The following RAD50 variants were observed in gnomAD, a reference collection of about 807,000 sequenced individuals.
RAD50 encodes the protein RAD50 double strand break repair protein, also known as DNA repair protein RAD50.
Under a neutral mutation model 168.8 loss-of-function variants are expected in RAD50, and 132 were observed. The ratio of observed to expected loss-of-function variants is 0.78; its 90% CI spans 0.68 to 0.90. The LOEUF is 0.90. Ranked by LOEUF, RAD50 falls within the 40% of genes least tolerant of loss-of-function variation. RAD50 has a pLI of 0.00. For missense variants in RAD50, 1,347 were observed against 1,534.4 expected (o/e 0.88, Z 2.04); for synonymous variants, 525 against 497.4 (o/e 1.06, Z -0.74).
At chr5:132,588,652 T>C (rs369060820) in intron 7 of RAD50, 35 bp from the exon 8 acceptor site, 1 of 1,591,234 alleles carries the variant, frequency 6.3e-7, no homozygotes, top group Non-Finnish European at 8.6e-7. Flanking sequence ...TAAGCACCAG[T>C]TGAAAAAAAA....
chr5:132,616,385 A>G (rs1417016185), intron 20 of RAD50, among the ~76,000 whole-genome samples: 1 of 152,218 alleles, frequency 6.6e-6, no homozygotes, highest in Non-Finnish European at 1.5e-5. Flanking sequence ...CTTAGTCCCC[A>G]TACATCTGCT....
chr5:132,606,622 G>A (rs1386326413), intron 16 of RAD50, among the ~76,000 whole-genome samples: 1 of 152,128 alleles, frequency 6.6e-6, no homozygotes, highest in African/African-American at 2.4e-5. Context: ...CATTTTATAA[G>A]GCCAGCATCA....
chr5:132,587,965 C>T lies in RAD50; in HGVS notation c.927C>T (p.His309=), dbSNP rs758239327. 8 of 1,612,824 alleles carry T rather than the reference C, an allele frequency of 5.0e-6. No individual in the cohort carries two copies. Among genetic ancestry groups the T allele is most frequent in the Non-Finnish European group, 6.8e-6 (8 of 1,179,204 alleles). Residue 309 remains histidine (H), a synonymous_variant, in exon 7 of 25, where the codon CAC becomes CAT. Transcript: ENST00000378823. ...GTDEQLNDLY[H]NHQRTVREKE... ...ATGAGCAACTAAATGACTTATATCACAATCACCAGAGAACAGTAAGGGAGA... is the reference window on the plus strand; with the variant it reads ...ATGAGCAACTAAATGACTTATATCATAATCACCAGAGAACAGTAAGGGAGA...
chr5:132,566,724 A>C (rs1293082513), intron 2 of RAD50, among the ~76,000 whole-genome samples: 1 of 152,246 alleles, frequency 6.6e-6, no homozygotes, highest in Non-Finnish European at 1.5e-5. Flanking sequence ...CCTTAAATCC[A>C]AAAGCCTTAC....
Position 132,618,214 on chromosome 5 carries a change from G to A in RAD50, c.3309G>A (p.Lys1103=), listed in dbSNP as rs1340193016. The change falls in exon 21 of 25, where the codon AAG becomes AAA. Residue 1103 remains lysine, a synonymous_variant. Transcript: ENST00000378823. ...CACAATTTCGGGATGCTGAGGAAAA[G>A]TATAGAGAAATGATGATTGTTATGA... is the stretch of plus-strand genomic sequence containing the variant. ...REPQFRDAEE[K]YREMMIVMRT... 1.9e-6 allele frequency: 3 copies of A among 1,613,900 alleles called. No homozygotes were observed. In the Admixed American group the frequency reaches 5.0e-5, roughly 27 times the overall value.
At chr5:132,604,425 C>A (rs1230434503) in intron 15 of RAD50, among the ~76,000 whole-genome samples, 1 of 152,040 alleles carries the variant, frequency 6.6e-6, no homozygotes, top group Non-Finnish European at 1.5e-5. Context: ...ATCACTATGC[C>A]CAGCTAATTT....
rs1474198443 is a variant in RAD50 at position 132,604,793 on chromosome 5, T to A, written c.2525-13T>A. On this transcript the variant is annotated splice_polypyrimidine_tract_variant and intron_variant, in intron 15 of 24. Transcript: ENST00000378823. Reference sequence around the variant, plus strand: ...CCTTACATTAATTACTGTGATAATATGTTTTTGTGTAGTTTCTAGTAAGAT... The same window carrying A: ...CCTTACATTAATTACTGTGATAATAAGTTTTTGTGTAGTTTCTAGTAAGAT... 28 of 1,584,284 alleles carry A rather than the reference T, an allele frequency of 1.8e-5. No homozygotes were observed. Among genetic ancestry groups the A allele is most frequent in the Non-Finnish European group, 2.4e-5 (28 of 1,154,606 alleles).
chr5:132,636,339 C>G (rs1053123027), intron 21 of RAD50, among the ~76,000 whole-genome samples: 2 of 152,156 alleles, frequency 1.3e-5, no homozygotes, highest in Non-Finnish European at 2.9e-5. Context: ...AAACTACTAC[C>G]TTAAAAGAGA....
chr5:132,572,688 C>T (rs1307876865), intron 2 of RAD50, among the ~76,000 whole-genome samples: 1 of 152,058 alleles, frequency 6.6e-6, no homozygotes, highest in African/African-American at 2.4e-5. Context: ...TTTTTTTCAA[C>T]AGACTTTAAA....
At chr5:132,607,977 C>A (rs1466157605) in intron 16 of RAD50, among the ~76,000 whole-genome samples, 4 of 152,166 alleles carry the variant, frequency 2.6e-5, no homozygotes, top group Non-Finnish European at 4.4e-5. Flanking sequence ...TGTTACAAGG[C>A]TAAATAATGG....
chr5:132,597,629 A>AAGCCTTAAGATGACTGCAGTCC (rs1750813927), intron 13 of RAD50, among the ~76,000 whole-genome samples: 1 of 152,218 alleles, frequency 6.6e-6, no homozygotes, highest in Non-Finnish European at 1.5e-5. Context: ...TGTAGCAGTC[A>AAGCCTTAAGATGACTGCAGTCC]AGCCTTAAGA....
intron 5 of RAD50, among the ~76,000 whole-genome samples, chr5:132,586,179 G>A (rs953849843): frequency 5.9e-5 from 9 of 152,122 alleles, no homozygotes; most frequent in African/African-American, 1.9e-4. Flanking sequence ...GGTAAAAGTT[G>A]AGGTTTACTT....
rs1386646459 is a variant in RAD50 at position 132,646,258 on chromosome 5, G to A, written c.*3894G>A. The A allele has an allele frequency of 6.6e-6, 1 of 152,132 alleles. No individual in the cohort carries two copies. The highest frequency in any genetic ancestry group is 1.5e-5 in the Non-Finnish European group (1 of 68,038). The allele number at this position is 152,132 out of a possible 1,614,324, so 9.4% of individuals were successfully genotyped here. ...TGTCCAATCCAGATCTCTCCTAAAT[G>A]CTTGACTGATATATTCAGCTGCCTG... is the stretch of plus-strand genomic sequence containing the variant. On this transcript the variant is annotated 3_prime_UTR_variant, in exon 25 of 25. Coordinates refer to ENST00000378823, the MANE Select transcript of RAD50 (RefSeq NM_005732.4).
chr5:132,619,313 CCT>C (rs1336706838), intron 21 of RAD50, among the ~76,000 whole-genome samples: 2 of 152,140 alleles, frequency 1.3e-5, no homozygotes, highest in Admixed American at 6.5e-5. Context: ...TTTGATGGAT[CCT>C]CTGACATTGG....
intron 19 of RAD50, among the ~76,000 whole-genome samples, chr5:132,615,554 G>C (rs745448327): frequency 2.6e-5 from 4 of 152,122 alleles, no homozygotes; most frequent in Non-Finnish European, 4.4e-5. Context: ...AATCTTTCAG[G>C]TCAGTAGGCT....
chr5:132,562,888 A>G (rs1020897279), intron 2 of RAD50, among the ~76,000 whole-genome samples: 1 of 152,244 alleles, frequency 6.6e-6, no homozygotes, highest in African/African-American at 2.4e-5. Context: ...TCGTTAAGTA[A>G]GGAAAACTGA....
intron 3 of RAD50, among the ~76,000 whole-genome samples, chr5:132,576,790 G>T (rs1750407402): frequency 6.6e-6 from 1 of 152,138 alleles, no homozygotes; most frequent in African/African-American, 2.4e-5. Context: ...AAACACCTCT[G>T]ACTAAAGTTA....
chr5:132,574,103 G>A (rs62383714), intron 2 of RAD50, among the ~76,000 whole-genome samples: 26,888 of 152,198 alleles, frequency 0.18, 2,626 homozygotes, highest in South Asian at 0.23. Flanking sequence ...GCTCCACTAG[G>A]CAGTCCCCTC....
chr5:132,596,228 CA>C (rs3216215), intron 13 of RAD50, among the ~76,000 whole-genome samples: 48,456 of 152,080 alleles, frequency 0.32, 9,991 homozygotes, highest in African/African-American at 0.6. Context: ...CTCCTGGCCT[CA>C]AAGTGATTGG....
Sources: gnomAD v4.1 joint callset for allele counts (sites outside exome capture counted in the v4.1 genomes callset) on GRCh38, gnomAD v4.1.1 for gene constraint, MANE v1.5 for transcripts, NCBI Gene and HGNC (gene_info 2026-07-23, HGNC 2026-07-21) for gene names.